FAM135A: variants seen among roughly 807,000 people sequenced by gnomAD.
FAM135A encodes protein FAM135A.
In FAM135A, 79 loss-of-function variants were observed where a neutral mutation model predicts 146.8. The ratio of observed to expected loss-of-function variants is 0.54; its 90% CI spans 0.45 to 0.65. The LOEUF (loss-of-function observed/expected upper bound fraction) is 0.65. Among genes scored for constraint, FAM135A ranks in the 30% least tolerant of loss-of-function variants. The pLI is 0.00. For missense variants in FAM135A, 1,623 were observed against 1,758.2 expected, an observed-to-expected ratio of 0.92 and a Z score of 1.38; for synonymous variants, 562 against 603.6, an observed-to-expected ratio of 0.93 and a Z score of 1.01.
intron 7 of FAM135A, 27 bp downstream of exon 7, chr6:70,475,760 T>C: frequency 6.5e-7 from 1 of 1,532,140 alleles, no homozygotes. Flanking sequence ...TTAAAAAACC[T>C]TTAGGCACTT....
At chr6:70,538,162 A>G (rs533880884) in intron 19 of FAM135A, 129 bp from the exon 20 acceptor site, 6 of 474,926 alleles carry the variant, frequency 1.3e-5, no homozygotes, top group African/African-American at 1.2e-4. Flanking sequence ...TATATTTTTG[A>G]TTAGCCAACA....
chr6:70,443,382 C>A (rs1004127592), intron 4 of FAM135A, among the ~76,000 whole-genome samples: 1 of 152,174 alleles, frequency 6.6e-6, no homozygotes, highest in Non-Finnish European at 1.5e-5. Flanking sequence ...TACCTATTAT[C>A]GTGTTATAAT....
chr6:70,555,149 T>A (rs191121053), intron 20 of FAM135A, among the ~76,000 whole-genome samples: 1 of 152,306 alleles, frequency 6.6e-6, no homozygotes, highest in Non-Finnish European at 1.5e-5. Flanking sequence ...TATACCTTAA[T>A]AAGATCTGAA....
rs373799735 is a variant in FAM135A, at chr6:70,520,093, G to A, written c.1030-2420G>A. 9.9e-5 allele frequency among the ~76,000 whole-genome samples: 15 copies of A among 151,448 alleles called. 1 individual carries two copies. Among genetic ancestry groups the A allele is most frequent in the African/African-American group, 1.7e-4 (7 of 41,220 alleles). On this transcript the variant is annotated intron_variant, in intron 12 of 21. Transcript: ENST00000418814. Reference sequence around the variant, plus strand: ...AATTCTAGGCTTTTTTTTTAAGGACGGATATTTCTTCATCACGTTCTCATC... The same window carrying A: ...AATTCTAGGCTTTTTTTTTAAGGACAGATATTTCTTCATCACGTTCTCATC...
At chr6:70,533,334 G>T in intron 17 of FAM135A, 83 bp downstream of exon 17, 1 of 851,526 alleles carries the variant, frequency 1.2e-6, no homozygotes, top group East Asian at 2.6e-5. Flanking sequence ...CAAAATGCCT[G>T]TAATAGTAGA....
intron 4 of FAM135A, among the ~76,000 whole-genome samples, chr6:70,440,238 G>T (rs989633059): frequency 6.6e-6 from 1 of 152,160 alleles, no homozygotes; most frequent in African/African-American, 2.4e-5. Context: ...TGCATCAGAG[G>T]ACAGGTAATT....
rs148315136 is a variant in FAM135A at position 70,525,054 on chromosome 6, T to C, written c.1970T>C (p.Ile657Thr). The C allele has an allele frequency of 1.0e-5, 16 of 1,591,178 alleles. No homozygotes were observed. The highest frequency in any genetic ancestry group is 2.3e-5 in the South Asian group (2 of 85,730). ...QTTPSLGVRT[I>T]EIKPSNKDPF... ...ACCCCATCTTTGGGAGTTAGAACAA[T>C]TGAAATAAAGCCCAGTAATAAAGAT... Residue 657 changes from isoleucine to threonine, a missense_variant, in exon 15 of 22, where the codon ATT becomes ACT. Physicochemically the swap from Ile to Thr is moderately conservative, Grantham distance 89. This residue lies in a region of FAM135A where 1,061 missense variants were observed against 1,113.8 expected (regional missense o/e 0.95). Coordinates refer to ENST00000418814, the MANE Select transcript of FAM135A (RefSeq NM_001162529.3).
At chr6:70,460,562 A>G (rs1779228366) in intron 5 of FAM135A, among the ~76,000 whole-genome samples, 1 of 152,192 alleles carries the variant, frequency 6.6e-6, no homozygotes, top group African/African-American at 2.4e-5. Flanking sequence ...CTAGAATCGA[A>G]ATGACTATCC....
chr6:70,524,428 T>C lies in FAM135A; in HGVS notation c.1344T>C (p.Ser448=), dbSNP rs1164019679. The change falls in exon 15 of 22, where the codon TCT becomes TCC. Residue 448 remains serine (S), a synonymous_variant. Transcript: ENST00000418814. ...KMDKYETEES[S]VAGLSSPELK... ...ATAAATATGAGACTGAAGAAAGCTC[T>C]GTAGCAGGACTTTCTAGCCCAGAGT... 3 of 1,543,444 alleles carry C rather than the reference T, an allele frequency of 1.9e-6. No homozygotes were observed. The African/African-American group carries it at 4.1e-5, about 21-fold the overall frequency.
chr6:70,413,813 C>T lies in FAM135A; in HGVS notation c.-220+111C>T, dbSNP rs887715744. On this transcript the variant is annotated intron_variant, in intron 1 of 21. Transcript: ENST00000418814. ...AGGAAGCGGCCTCCTCTTCGTCCGCCGTTCGCCCGCCGCGGCCCCTCACCC... is the reference window on the plus strand; with the variant it reads ...AGGAAGCGGCCTCCTCTTCGTCCGCTGTTCGCCCGCCGCGGCCCCTCACCC... 1.0e-5 allele frequency: 10 copies of T among 985,354 alleles called. No homozygotes were observed. The African/African-American group carries it at 1.7e-4, about 17-fold the overall frequency. The allele number at this position is 985,354 out of a possible 1,614,324, so 61.0% of individuals were successfully genotyped here. A position where few individuals can be genotyped will look rare whatever the true frequency, so the allele number is the denominator to read the frequency against.
intron 4 of FAM135A, among the ~76,000 whole-genome samples, chr6:70,447,848 G>C (rs1285241226): frequency 6.6e-6 from 1 of 152,142 alleles, no homozygotes; most frequent in Non-Finnish European, 1.5e-5. Context: ...GTTAAAACAA[G>C]CTCCAGGAAG....
At chr6:70,414,903 C>T (rs1767213119) in intron 1 of FAM135A, among the ~76,000 whole-genome samples, 1 of 152,174 alleles carries the variant, frequency 6.6e-6, no homozygotes, top group Non-Finnish European at 1.5e-5. Context: ...ATTTTCTTGT[C>T]CTCCATTAGG....
In FAM135A at chr6:70,458,467, G is replaced by A. The variant is rs963401712; in HGVS notation, c.157+5896G>A. On this transcript the variant is annotated intron_variant, in intron 5 of 21. Coordinates refer to ENST00000418814, the MANE Select transcript of FAM135A (RefSeq NM_001162529.3). ...TGTGCAAAGCCTTTCCAATAAAGTG[G>A]CTCTGAACAAATTGTGAGACATGCT... Among the ~76,000 whole-genome samples the A allele has an allele frequency of 7.9e-5, 12 of 152,124 alleles. No homozygotes were observed. In the South Asian group the frequency reaches 1.0e-3, roughly 13 times the overall value.
chr6:70,501,358 C>A (rs1252085255), intron 11 of FAM135A, among the ~76,000 whole-genome samples: 1 of 152,208 alleles, frequency 6.6e-6, no homozygotes, highest in Non-Finnish European at 1.5e-5. Context: ...CAAGCTTGAT[C>A]TTCCCCAGTC....
intron 5 of FAM135A, among the ~76,000 whole-genome samples, chr6:70,463,444 G>A (rs1252115461): frequency 1.3e-5 from 2 of 151,322 alleles, no homozygotes; most frequent in Non-Finnish European, 2.9e-5. Flanking sequence ...AATTTGTAGA[G>A]ACGGGAGTCT....
intron 20 of FAM135A, among the ~76,000 whole-genome samples, chr6:70,551,013 C>T (rs1799730136): frequency 6.6e-6 from 1 of 152,196 alleles, no homozygotes; most frequent in South Asian, 2.1e-4. Flanking sequence ...CTTCTCTCAG[C>T]CTTGAGATAA....
intron 20 of FAM135A, among the ~76,000 whole-genome samples, chr6:70,552,770 A>T (rs138290208): frequency 6.6e-6 from 1 of 152,094 alleles, no homozygotes; most frequent in East Asian, 1.9e-4. Context: ...GCCCAGCCAA[A>T]CTGCTTCAGT....
rs573203862 is a variant in FAM135A, at chr6:70,550,654, T to C, written c.4229-6096T>C. Among the ~76,000 whole-genome samples the C allele has an allele frequency of 3.3e-5, 5 of 152,366 alleles. No individual in the cohort carries two copies. The South Asian group carries it at 8.3e-4, about 25-fold the overall frequency. The stretch of plus-strand genomic sequence containing the variant: ...GCACAGAGTAGATTTCATATAATTC[T>C]TAAGGGCTCCAGGATTTTAGGAATG... On this transcript the variant is annotated intron_variant, in intron 20 of 21. Coordinates refer to ENST00000418814, the MANE Select transcript of FAM135A (RefSeq NM_001162529.3).
chr6:70,451,552 T>C (rs1279433178), intron 4 of FAM135A, among the ~76,000 whole-genome samples: 1 of 152,174 alleles, frequency 6.6e-6, no homozygotes, highest in African/African-American at 2.4e-5. Context: ...TTTAAAGCCA[T>C]ATTGTGACTT....
Sources: gnomAD v4.1 joint callset for allele counts (sites outside exome capture counted in the v4.1 genomes callset) on GRCh38, gnomAD v4.1.1 for gene constraint, gnomAD v4.1.1 regional missense constraint, MANE v1.5 for transcripts, NCBI Gene and HGNC (gene_info 2026-07-23, HGNC 2026-07-21) for gene names.